The following INPP4A variants were observed in gnomAD, a reference collection of about 807,000 sequenced individuals.
The protein encoded by INPP4A is inositol polyphosphate-4-phosphatase type I A.
Under a neutral mutation model 119.8 loss-of-function variants are expected in INPP4A, and 33 were observed. That is an observed-to-expected ratio of 0.28 (90% CI 0.21 to 0.37). INPP4A has a LOEUF of 0.37. Ranked by LOEUF, INPP4A falls within the 10% of genes least tolerant of loss-of-function variation. The pLI, the probability that INPP4A is intolerant of heterozygous loss-of-function variation, is 1.00. For synonymous variants in INPP4A, 496 were observed against 500.7 expected, an observed-to-expected ratio of 0.99 and a Z score of 0.12; for missense variants, 956 against 1,289.9, an observed-to-expected ratio of 0.74 and a Z score of 3.97.
chr2:98,478,802 A>T (rs1677795818), intron 1 of INPP4A, among the ~76,000 whole-genome samples: 1 of 152,178 alleles, frequency 6.6e-6, no homozygotes, highest in South Asian at 2.1e-4. Flanking sequence ...CTAGCTGAGC[A>T]TGAATGCAGC....
At chr2:98,473,323 G>A (rs913585871) in intron 1 of INPP4A, among the ~76,000 whole-genome samples, 5 of 150,650 alleles carry the variant, frequency 3.3e-5, no homozygotes, top group Non-Finnish European at 5.9e-5. Context: ...GGAGTGGAGA[G>A]TGAGGAGGGC....
intron 7 of INPP4A, among the ~76,000 whole-genome samples, chr2:98,537,340 G>A (rs955125436): frequency 6.6e-6 from 1 of 152,228 alleles, no homozygotes; most frequent in African/African-American, 2.4e-5. Flanking sequence ...GACTGAGGCT[G>A]GGGTAGCATC....
rs116261076 is a variant in INPP4A at position 98,461,768 on chromosome 2, G to A, written c.-166+16683G>A. ...TTCCACATCCCTGGTGCCATGCTGC[G>A]TGCTCGCTGTGTGCCTCTTCTGACG... On this transcript the variant is annotated intron_variant, in intron 1 of 24. Coordinates refer to ENST00000409851, the MANE Select transcript of INPP4A (RefSeq NM_001134225.2). Among the ~76,000 whole-genome samples, 796 of 152,254 alleles carry A rather than the reference G, an allele frequency of 5.2e-3. 12 individuals are homozygous for A. The highest frequency in any genetic ancestry group is 0.018 in the African/African-American group (735 of 41,534).
intron 1 of INPP4A, among the ~76,000 whole-genome samples, chr2:98,450,392 G>T (rs562214523): frequency 1.1e-4 from 17 of 152,176 alleles, no homozygotes; most frequent in Non-Finnish European, 2.2e-4. Context: ...CAGTATTTTG[G>T]TTTATAAATC....
At chr2:98,511,823 C>T (rs1021385722) in intron 1 of INPP4A, among the ~76,000 whole-genome samples, 1 of 152,204 alleles carries the variant, frequency 6.6e-6, no homozygotes, top group African/African-American at 2.4e-5. Flanking sequence ...TCCCCCATGC[C>T]ACCAAGCCAT....
chr2:98,449,230 T>A (rs1436680907), intron 1 of INPP4A, among the ~76,000 whole-genome samples: 4 of 152,252 alleles, frequency 2.6e-5, no homozygotes, highest in African/African-American at 9.6e-5. Flanking sequence ...AATTCATTGA[T>A]GTTTCTTACC....
At chr2:98,456,019 C>T (rs184489694) in intron 1 of INPP4A, among the ~76,000 whole-genome samples, 1 of 152,324 alleles carries the variant, frequency 6.6e-6, no homozygotes, top group East Asian at 1.9e-4. Flanking sequence ...AGTACAACTA[C>T]AGCATTTTTG....
At chr2:98,537,103 G>T (rs918949372) in intron 7 of INPP4A, among the ~76,000 whole-genome samples, 25 of 152,268 alleles carry the variant, frequency 1.6e-4, no homozygotes, top group African/African-American at 4.8e-4. Flanking sequence ...AAAGGCGGCT[G>T]ATGATTGAAC....
chr2:98,465,852 G>T (rs79643020), intron 1 of INPP4A, among the ~76,000 whole-genome samples: 1 of 152,066 alleles, frequency 6.6e-6, no homozygotes, highest in Non-Finnish European at 1.5e-5. Context: ...CCCTGGTTTC[G>T]GCGCAGTACT....
At chr2:98,522,310 AAG>A (rs957680653) in intron 4 of INPP4A, among the ~76,000 whole-genome samples, 17 of 151,664 alleles carry the variant, frequency 1.1e-4, no homozygotes, top group African/African-American at 4.1e-4. Context: ...AAAAGAAAGA[AAG>A]AAATTATAAT....
In INPP4A at chr2:98,572,886, C is replaced by G. The variant is rs777754514; in HGVS notation, c.2590C>G (p.Arg864Gly). ...LRFLGQNVHA[R>G]KNKNVDILWQ... ...GTTTCTGGGTCAGAACGTGCATGCC[C>G]GGAAGAATAAGAACGTCGACATTCT... The change falls in exon 23 of 25, where the codon CGG (arginine) becomes GGG (glycine). Residue 864 changes from arginine (R) to glycine (G), a missense_variant. Arg to Gly is a moderately radical substitution (Grantham distance 125). Coordinates refer to ENST00000409851, the MANE Select transcript of INPP4A (RefSeq NM_001134225.2). 6.3e-7 allele frequency: 1 copy of G among 1,580,486 alleles called. No homozygotes were observed.
rs1696124607 is a variant in INPP4A at position 98,564,747 on chromosome 2, C to T, written c.2136C>T (p.Ser712=). The T allele has an allele frequency of 1.9e-6, 3 of 1,595,090 alleles. No individual in the cohort carries two copies. Among genetic ancestry groups the T allele is most frequent in the Admixed American group, 3.5e-5 (2 of 57,268 alleles). ...TCGGGCTGCTGGCCCAGTTCGAGAGCCTGCTGAGCACCTACGGTGAGGCGC... is the reference window on the plus strand; with the variant it reads ...TCGGGCTGCTGGCCCAGTTCGAGAGTCTGCTGAGCACCTACGGTGAGGCGC... ...YTIGLLAQFE[S]LLSTYGEELA... The change falls in exon 19 of 25, where the codon AGC becomes AGT. Residue 712 remains serine, a synonymous_variant. Transcript: ENST00000409851.
chr2:98,542,276 C>G (rs907527746), intron 10 of INPP4A, among the ~76,000 whole-genome samples: 1 of 152,272 alleles, frequency 6.6e-6, no homozygotes, highest in African/African-American at 2.4e-5. Context: ...CCTACCTGCT[C>G]TGGGTGTCCT....
At chr2:98,500,477 C>G (rs193198374) in intron 1 of INPP4A, among the ~76,000 whole-genome samples, 1 of 152,296 alleles carries the variant, frequency 6.6e-6, no homozygotes, top group African/African-American at 2.4e-5. Context: ...CTTGTGAAAA[C>G]ATATGAATAA....
chr2:98,520,037 A>G lies in INPP4A; in HGVS notation c.-12A>G. 1.3e-6 allele frequency: 2 copies of G among 1,568,920 alleles called. No homozygotes were observed. Among genetic ancestry groups the G allele is most frequent in the African/African-American group, 1.3e-5 (1 of 74,102 alleles). On this transcript the variant is annotated 5_prime_UTR_variant, in exon 3 of 25. Transcript: ENST00000409851. ...ACCGAGGATCAAGAAGCACATCATC[A>G]CCAATGACATCATGACAGCAAGAGA...
chr2:98,581,581 G>C, intron 24 of INPP4A: 2 of 1,536,558 alleles, frequency 1.3e-6, no homozygotes, highest in Non-Finnish European at 1.7e-6. Context: ...CACAGCATTG[G>C]AACACGGGAG....
chr2:98,539,102 C>G, intron 9 of INPP4A, 121 bp downstream of exon 9: 1 of 580,152 alleles, frequency 1.7e-6, no homozygotes, highest in Non-Finnish European at 3.1e-6. Context: ...TGTCACCTCT[C>G]TGCTGCTTAT....
Position 98,546,603 on chromosome 2 carries a change from G to A in INPP4A, c.1072G>A (p.Val358Ile), listed in dbSNP as rs769868588. 3.1e-5 allele frequency: 50 copies of A among 1,613,196 alleles called. No homozygotes were observed. Among genetic ancestry groups the A allele is most frequent in the Non-Finnish European group, 3.9e-5 (46 of 1,179,308 alleles). Residue 358 changes from valine to isoleucine, a missense_variant, in exon 13 of 25, where the codon GTC becomes ATC. Around this residue, in one of 2 missense-constraint regions of INPP4A, gnomAD observed 652 missense variants for 797.9 expected, o/e 0.82. Transcript: ENST00000409851. This position sits in a 1 kb window ranked among gnomAD's most constrained non-coding sequence, Gnocchi z 4.2. ...DGGSDQNYDI[V>I]TIGAPAAHCQ... is the part of the protein sequence containing the mutation. ...TCATTCAGATCAGAACTACGACATC[G>A]TCACCATTGGGGCGCCAGCAGCACA...
chr2:98,479,019 C>T (rs1333319545), intron 1 of INPP4A, among the ~76,000 whole-genome samples: 1 of 152,190 alleles, frequency 6.6e-6, no homozygotes, highest in Non-Finnish European at 1.5e-5. Context: ...ATACTGGGCC[C>T]TACCCACAGG....
Sources: gnomAD v4.1 joint callset for allele counts (sites outside exome capture counted in the v4.1 genomes callset) on GRCh38, gnomAD v4.1.1 for gene constraint, gnomAD v4.1.1 regional missense constraint, Gnocchi (gnomAD v3.1) non-coding constraint, MANE v1.5 for transcripts, NCBI Gene and HGNC (gene_info 2026-07-23, HGNC 2026-07-21) for gene names.